The following DCLRE1A variants were observed in gnomAD, a reference collection of about 807,000 sequenced individuals.
DCLRE1A encodes DNA cross-link repair 1A.
A neutral mutation model predicts 91.9 loss-of-function variants in DCLRE1A; 64 were observed. That is an observed-to-expected ratio of 0.70 (90% CI 0.57 to 0.86). The LOEUF is 0.86. DCLRE1A is among the 40% of genes least tolerant of loss of function. The probability of loss-of-function intolerance (pLI) is 0.00; values close to 1 mark genes in which losing one functional copy is unlikely to be tolerated. For missense variants in DCLRE1A, 1,145 were observed against 1,213.3 expected (o/e 0.94, Z 0.84); for synonymous variants, 416 against 431.1 (o/e 0.96, Z 0.43).
intron 6 of DCLRE1A, among the ~76,000 whole-genome samples, chr10:113,841,772 C>T (rs1845449881): frequency 6.6e-6 from 1 of 151,992 alleles, no homozygotes; most frequent in Admixed American, 6.6e-5. Context: ...TTTTTAAAGG[C>T]TTATTATTTA....
At position 113,843,023 on chromosome 10, in the gene DCLRE1A, TACACACACACAC is replaced by T. The variant is rs10527278; in HGVS notation, c.2520-547_2520-536del. 2.2e-3 allele frequency among the ~76,000 whole-genome samples: 325 copies of T among 145,974 alleles called. 1 individual carries two copies. Among genetic ancestry groups the T allele is most frequent in the African/African-American group, 6.0e-3 (238 of 39,612 alleles). On this transcript the variant is annotated intron_variant, in intron 5 of 8. Coordinates refer to ENST00000361384, the MANE Select transcript of DCLRE1A (RefSeq NM_014881.5). ...CTATGTGTATATATATGTACATGTG[TACACACACACAC>T]ACACACACACACACACACACACACA... is the stretch of plus-strand genomic sequence containing the variant.
intron 3 of DCLRE1A, 113 bp downstream of exon 3, chr10:113,847,089 T>A (rs1426533682): frequency 9.4e-7 from 1 of 1,059,462 alleles, no homozygotes; most frequent in African/African-American, 1.6e-5. Context: ...TGTTTTCTCA[T>A]TTTTTTTCTA....
Position 113,849,078 on chromosome 10 carries a change from G to T in DCLRE1A, c.2027C>A (p.Ala676Asp), listed in dbSNP as rs372901270. ...GTTGCCCCTTTGCAGCCCACCATGA[G>T]CTGATTTTGTGAAGACTTTGACTTT... ...LSKVKVFTKS[A>D]HGGLQRGNKK... The change falls in exon 2 of 9, where the codon GCT becomes GAT. Residue 676 changes from alanine to aspartate, a missense_variant. Physicochemically the swap from Ala to Asp is moderately radical, Grantham distance 126. Coordinates refer to ENST00000361384, the MANE Select transcript of DCLRE1A (RefSeq NM_014881.5). 30 of 1,613,976 alleles carry T rather than the reference G, an allele frequency of 1.9e-5. No homozygotes were observed. Among genetic ancestry groups the T allele is most frequent in the Non-Finnish European group, 2.5e-5 (30 of 1,180,034 alleles).
Position 113,850,526 on chromosome 10 carries a change from C to T in DCLRE1A, c.579G>A (p.Ala193=), listed in dbSNP as rs1345935495. 51 of 1,613,964 alleles carry T rather than the reference C, an allele frequency of 3.2e-5. No homozygotes were observed. The highest frequency in any genetic ancestry group is 4.0e-5 in the African/African-American group (3 of 74,914). ...GDHPFSSPSP[A]SGGSFSETKS... ...TAGTCTCACTGAAACTGCCACCTGA[C>T]GCAGGTGATGGGCTGCTAAAAGGAT... is the stretch of plus-strand genomic sequence containing the variant. The change falls in exon 2 of 9, where the codon GCG becomes GCA. Residue 193 remains alanine (A), a synonymous_variant. Coordinates refer to ENST00000361384, the MANE Select transcript of DCLRE1A (RefSeq NM_014881.5).
chr10:113,850,500 T>A lies in DCLRE1A; in HGVS notation c.605A>T (p.Lys202Met), dbSNP rs142250904. 2.5e-3 allele frequency: 3,996 copies of A among 1,614,122 alleles called. 12 individuals are homozygous for A. The highest frequency in any genetic ancestry group is 2.7e-3 in the Non-Finnish European group (3,218 of 1,179,992). ...CTCAAGGCTACAAAGGACGCCTGAC[T>A]TAGTCTCACTGAAACTGCCACCTGA... ...PASGGSFSETKSGVLCSLEER... is the reference protein window; with the variant it reads ...PASGGSFSETMSGVLCSLEER... Residue 202 changes from lysine to methionine, a missense_variant, in exon 2 of 9, where the codon AAG becomes ATG. Coordinates refer to ENST00000361384, the MANE Select transcript of DCLRE1A (RefSeq NM_014881.5).
At position 113,836,016 on chromosome 10, in the gene DCLRE1A, GCTCT is replaced by G. The variant is rs543979735; in HGVS notation, c.2963-708_2963-705del. Among the ~76,000 whole-genome samples, 416 of 152,194 alleles carry G rather than the reference GCTCT, an allele frequency of 2.7e-3. 3 individuals are homozygous for G. Among genetic ancestry groups the G allele is most frequent in the African/African-American group, 9.6e-3 (400 of 41,532 alleles). ...AAGTGCGTGGCACTTCCCCCTTTGT[GCTCT>G]CTCTCACTCTCCTACTCCGCTAGGA... On this transcript the variant is annotated intron_variant, in intron 8 of 8. Coordinates refer to ENST00000361384, the MANE Select transcript of DCLRE1A (RefSeq NM_014881.5).
chr10:113,842,268 A>G (rs758236568), intron 6 of DCLRE1A, 75 bp downstream of exon 6: 10 of 1,254,094 alleles, frequency 8.0e-6, no homozygotes, highest in Admixed American at 4.5e-5. Context: ...AAGAGTAGAA[A>G]CTGAAAGGGC....
Position 113,850,073 on chromosome 10 carries a change from A to G in DCLRE1A, c.1032T>C (p.Phe344=). The G allele has an allele frequency of 6.2e-7, 1 of 1,613,306 alleles. No homozygotes were observed. The highest frequency in any genetic ancestry group is 8.5e-7 in the Non-Finnish European group (1 of 1,179,808). Residue 344 remains phenylalanine, a synonymous_variant, in exon 2 of 9, where the codon TTT becomes TTC. Coordinates refer to ENST00000361384, the MANE Select transcript of DCLRE1A (RefSeq NM_014881.5). ...LEEDDDSCGF[F]KKRHGPLLKD... ...TCAGTAAGGGACCATGTCGTTTTTT[A>G]AAAAAACCACAGCTGTCATCATCTT... is the stretch of plus-strand genomic sequence containing the variant.
In DCLRE1A at chr10:113,853,249, A is replaced by T. The variant is rs1303266807; in HGVS notation, c.-67T>A. The T allele has an allele frequency of 2.2e-6, 3 of 1,367,080 alleles. No homozygotes were observed. The Admixed American group carries it at 8.8e-5, about 40-fold the overall frequency. 84.7% of individuals were successfully genotyped at this position (1,367,080 alleles called of 1,614,324 possible). ...AAACTGAAAGTCCATTTCTTGTCACAAACAAAAAGTTATAGAATTATTTTG... is the reference window on the plus strand; with the variant it reads ...AAACTGAAAGTCCATTTCTTGTCACTAACAAAAAGTTATAGAATTATTTTG... On this transcript the variant is annotated 5_prime_UTR_variant, in exon 1 of 9. Transcript: ENST00000361384.
At position 113,853,009 on chromosome 10, in the gene DCLRE1A, T is replaced by G; in HGVS notation, c.174A>C (p.Lys58Asn). Reference sequence around the variant, plus strand: ...GGGGCACTTCATGGTCCTTCACCTCTTTAGCTTCTGCGGCTCTTTTTCTGT... The same window carrying G: ...GGGGCACTTCATGGTCCTTCACCTCGTTAGCTTCTGCGGCTCTTTTTCTGT... ...SRNRKRAAEA[K>N]EVKDHEVPLG... Residue 58 changes from lysine to asparagine, a missense_variant, in exon 1 of 9, where the codon AAA becomes AAC. Lys to Asn is a moderately conservative substitution (Grantham distance 94). Transcript: ENST00000361384. 6.2e-7 allele frequency: 1 copy of G among 1,614,050 alleles called. No individual in the cohort carries two copies. Among genetic ancestry groups the G allele is most frequent in the Non-Finnish European group, 8.5e-7 (1 of 1,180,016 alleles).
At position 113,847,234 on chromosome 10, in the gene DCLRE1A, T is replaced by C. The variant is rs1430086799; in HGVS notation, c.2227A>G (p.Lys743Glu). 6.2e-7 allele frequency: 1 copy of C among 1,613,404 alleles called. No homozygotes were observed. The highest frequency in any genetic ancestry group is 1.7e-5 in the Admixed American group (1 of 60,016). ...FHSDHYAGLS[K>E]HFTFPVYCSE... ...CAATAAACTGGAAATGTGAAGTGTT[T>C]AGACAATCCAGCATAATGATCAGAA... The change falls in exon 3 of 9, where the codon AAA becomes GAA. Residue 743 changes from lysine (K) to glutamate (E), a missense_variant. Physicochemically the swap from Lys to Glu is moderately conservative, Grantham distance 56 (BLOSUM62 1). Transcript: ENST00000361384.
At chr10:113,843,411 A>G (rs971993165) in intron 5 of DCLRE1A, among the ~76,000 whole-genome samples, 12 of 152,190 alleles carry the variant, frequency 7.9e-5, no homozygotes, top group African/African-American at 2.7e-4. Flanking sequence ...AGAAGAATGG[A>G]AAAACCAGTT....
Position 113,853,396 on chromosome 10 carries a change from AC to A in DCLRE1A, c.-215del. ...TGACAACACCTGCTATTCCATTTAT[AC>A]CACAATGAAACTAAGATAAACCTAT... is the stretch of plus-strand genomic sequence containing the variant. On this transcript the variant is annotated 5_prime_UTR_variant, in exon 1 of 9. Coordinates refer to ENST00000361384, the MANE Select transcript of DCLRE1A (RefSeq NM_014881.5). 2.1e-6 allele frequency: 1 copy of A among 484,628 alleles called. No homozygotes were observed. Among genetic ancestry groups the A allele is most frequent in the Non-Finnish European group, 3.6e-6 (1 of 277,994 alleles). The allele number at this position is 484,628 out of a possible 1,614,324, so 30.0% of individuals were successfully genotyped here.
chr10:113,844,025 C>G, intron 5 of DCLRE1A, 79 bp downstream of exon 5: 1 of 1,532,810 alleles, frequency 6.5e-7, no homozygotes, highest in Non-Finnish European at 8.8e-7. Context: ...TGGCAATAAG[C>G]CATCATTTTG....
chr10:113,845,783 C>G lies in DCLRE1A; in HGVS notation c.2280G>C (p.Lys760Asn), dbSNP rs554244920. The G allele has an allele frequency of 3.5e-4, 572 of 1,614,060 alleles. 4 individuals carry two copies. The South Asian group carries it at 6.0e-3, about 17-fold the overall frequency. ...YCSEITGNLL[K>N]NKLHVQEQYI... is the part of the protein sequence containing the mutation. ...ATTGTTCTTGCACATGAAGCTTGTT[C>G]TTCAACAAATTGCCAGTTATCTGCA... The change falls in exon 4 of 9, where the codon AAG becomes AAC. Residue 760 changes from lysine to asparagine, a missense_variant. Transcript: ENST00000361384.
In DCLRE1A at chr10:113,844,377, C is replaced by T. The variant is rs78093283; in HGVS notation, c.2379-133G>A. The stretch of plus-strand genomic sequence containing the variant: ...ACATAGCATTGCACTACAGGAAATG[C>T]GGCACTTCAACTCAAGGAAATTTAC... On this transcript the variant is annotated intron_variant, in intron 4 of 8. Transcript: ENST00000361384. 864 of 1,178,876 alleles carry T rather than the reference C, an allele frequency of 7.3e-4. 7 individuals carry two copies. The African/African-American group carries it at 0.012, about 16-fold the overall frequency. The allele number at this position is 1,178,876 out of a possible 1,614,324, so 73.0% of individuals were successfully genotyped here. A position where few individuals can be genotyped will look rare whatever the true frequency, so the allele number is the denominator to read the frequency against.
intron 6 of DCLRE1A, 110 bp downstream of exon 6, chr10:113,842,233 A>G (rs1337832388): frequency 2.1e-6 from 2 of 946,340 alleles, no homozygotes; most frequent in African/African-American, 1.7e-5. Context: ...ATATTGAATC[A>G]TTACAGGAAA....
chr10:113,852,857 T>C lies in DCLRE1A; in HGVS notation c.326A>G (p.His109Arg), dbSNP rs200824357. The change falls in exon 1 of 9, where the codon CAC becomes CGC. Residue 109 changes from histidine to arginine, a missense_variant. His to Arg is a conservative substitution (Grantham distance 29). Transcript: ENST00000361384. ...GKLCRTQKSQHVSPKIRPVYD... is the reference protein window; with the variant it reads ...GKLCRTQKSQRVSPKIRPVYD... ...AACTGGACGTATCTTTGGGGACACGTGTTGGCTTTTTTGAGTTCTACAGAG... is the reference window on the plus strand; with the variant it reads ...AACTGGACGTATCTTTGGGGACACGCGTTGGCTTTTTTGAGTTCTACAGAG... 5.1e-5 allele frequency: 82 copies of C among 1,614,016 alleles called. No homozygotes were observed. The highest frequency in any genetic ancestry group is 8.5e-6 in the Non-Finnish European group (10 of 1,180,026).
chr10:113,839,576 T>C (rs1422473647), intron 7 of DCLRE1A, among the ~76,000 whole-genome samples: 2 of 152,132 alleles, frequency 1.3e-5, no homozygotes, highest in African/African-American at 2.4e-5. Flanking sequence ...GTCACTTTAA[T>C]GGAGGAAGAG....
Sources: gnomAD v4.1 joint callset for allele counts (sites outside exome capture counted in the v4.1 genomes callset) on GRCh38, gnomAD v4.1.1 for gene constraint, MANE v1.5 for transcripts, NCBI Gene and HGNC (gene_info 2026-07-23, HGNC 2026-07-21) for gene names.